SUMF1: variants seen among roughly 807,000 people sequenced by gnomAD.
SUMF1 encodes the protein sulfatase modifying factor 1, also known as formylglycine-generating enzyme.
A neutral mutation model predicts 47.6 loss-of-function variants in SUMF1; 48 were observed. The observed-to-expected ratio is 1.01, with a 90% CI of 0.80 to 1.28. The LOEUF (loss-of-function observed/expected upper bound fraction) is 1.28. SUMF1 is among the 50% of genes most tolerant of loss of function. The pLI is 0.00. For synonymous variants in SUMF1, 230 were observed against 192.1 expected (o/e 1.20, Z -1.63); for missense variants, 571 against 485.4 (o/e 1.18, Z -1.66).
intron 8 of SUMF1, chr3:4,304,033 G>C: frequency 4.1e-6 from 1 of 242,830 alleles, no homozygotes; most frequent in Non-Finnish European, 8.2e-6. Flanking sequence ...CAGTGGAACA[G>C]TACCTCTCTT....
intron 8 of SUMF1, among the ~76,000 whole-genome samples, chr3:4,343,523 A>G (rs1699314199): frequency 6.6e-6 from 1 of 152,238 alleles, no homozygotes; most frequent in Non-Finnish European, 1.5e-5. Flanking sequence ...AGCCACAGAA[A>G]GCAGAGAATG....
At chr3:4,396,991 T>G (rs1446575244) in intron 7 of SUMF1, among the ~76,000 whole-genome samples, 1 of 152,214 alleles carries the variant, frequency 6.6e-6, no homozygotes, top group Non-Finnish European at 1.5e-5. Flanking sequence ...ATTAGATTTC[T>G]GCAACAAAGA....
intron 6 of SUMF1, among the ~76,000 whole-genome samples, chr3:4,414,254 C>T (rs1374983216): frequency 6.6e-6 from 1 of 152,134 alleles, no homozygotes; most frequent in Non-Finnish European, 1.5e-5. Flanking sequence ...TCACTTGAGC[C>T]CAGGAGGCTG....
intron 4 of SUMF1, among the ~76,000 whole-genome samples, chr3:4,419,255 C>A (rs995976834): frequency 6.6e-6 from 1 of 152,194 alleles, no homozygotes; most frequent in African/African-American, 2.4e-5. Flanking sequence ...CACCTCGAAG[C>A]CTAATTGCAG....
At chr3:4,057,605 G>A (rs1695214532) in intron 9 of SUMF1, among the ~76,000 whole-genome samples, 1 of 152,064 alleles carries the variant, frequency 6.6e-6, no homozygotes, top group Non-Finnish European at 1.5e-5. Flanking sequence ...GGAGAATAAT[G>A]CCCTGTGCCT....
intron 2 of SUMF1, among the ~76,000 whole-genome samples, chr3:4,452,279 A>C (rs1215242314): frequency 1.3e-5 from 2 of 152,212 alleles, no homozygotes; most frequent in Non-Finnish European, 2.9e-5. Context: ...TCCTATTCCC[A>C]TTTAGGAAAG....
At chr3:4,071,837 C>A (rs1037929240) in intron 8 of SUMF1, among the ~76,000 whole-genome samples, 8 of 152,188 alleles carry the variant, frequency 5.3e-5, no homozygotes, top group African/African-American at 1.9e-4. Flanking sequence ...TGGGACAGAG[C>A]ACCTGAGGGA....
At chr3:4,367,257 G>A (rs1384186991) in intron 8 of SUMF1, among the ~76,000 whole-genome samples, 2 of 152,166 alleles carry the variant, frequency 1.3e-5, no homozygotes, top group African/African-American at 2.4e-5. Flanking sequence ...AAAGCTGTCA[G>A]ACAGGGACAT....
intron 8 of SUMF1, among the ~76,000 whole-genome samples, chr3:4,073,909 T>C (rs2125039082): frequency 1.3e-5 from 2 of 152,274 alleles, no homozygotes; most frequent in South Asian, 4.2e-4. Flanking sequence ...AACAATCCAC[T>C]GTCAATATTA....
At chr3:4,416,628 T>C (rs1701721647) in intron 6 of SUMF1, among the ~76,000 whole-genome samples, 1 of 152,242 alleles carries the variant, frequency 6.6e-6, no homozygotes, top group South Asian at 2.1e-4. Flanking sequence ...TTGAGCAAGT[T>C]AGTTAACCTC....
At chr3:4,339,117 G>A (rs1027913128) in intron 8 of SUMF1, among the ~76,000 whole-genome samples, 16 of 152,180 alleles carry the variant, frequency 1.1e-4, no homozygotes, top group South Asian at 2.1e-4. Context: ...ATTCTGTGAC[G>A]TAGCCCATTT....
At chr3:4,210,516 G>T (rs1695756398) in intron 8 of SUMF1, among the ~76,000 whole-genome samples, 1 of 152,136 alleles carries the variant, frequency 6.6e-6, no homozygotes, top group South Asian at 2.1e-4. Context: ...AAAGGGGAAA[G>T]AACGACCCTT....
intron 8 of SUMF1, among the ~76,000 whole-genome samples, chr3:4,341,604 A>G (rs920972486): frequency 6.6e-6 from 1 of 152,148 alleles, no homozygotes; most frequent in Non-Finnish European, 1.5e-5. Context: ...TGCAAGAGAG[A>G]TTTTTTGACA....
In SUMF1 at chr3:4,420,747, A is replaced by C. The variant is rs535331895; in HGVS notation, c.520-601T>G. Among the ~76,000 whole-genome samples, 4 of 152,066 alleles carry C rather than the reference A, an allele frequency of 2.6e-5. No homozygotes were observed. In the South Asian group the frequency reaches 8.3e-4, roughly 32 times the overall value. ...GGCTAGCCAATCCTCTATAATCTCT[A>C]ACAAGTGAGACAGGTAGTGCTGCTC... On this transcript the variant is annotated intron_variant, in intron 3 of 8. Transcript: ENST00000272902.
At chr3:4,151,460 T>C (rs1171106639) in intron 8 of SUMF1, among the ~76,000 whole-genome samples, 1 of 143,328 alleles carries the variant, frequency 7.0e-6, no homozygotes, top group Non-Finnish European at 1.5e-5. Flanking sequence ...TATACATGTG[T>C]ATATATGTAT....
Position 4,376,310 on chromosome 3 carries a change from A to T in SUMF1, c.1014+20T>A, listed in dbSNP as rs2124844766. 1 of 1,614,074 alleles carries T rather than the reference A, an allele frequency of 6.2e-7. No individual in the cohort carries two copies. The highest frequency in any genetic ancestry group is 8.5e-7 in the Non-Finnish European group (1 of 1,179,904). On this transcript the variant is annotated intron_variant, in intron 8 of 8. Coordinates refer to ENST00000272902, the MANE Select transcript of SUMF1 (RefSeq NM_182760.4). ...GCTATCAGAACAAGAACGGCAAAACAGTTTAGTGACATGACTTACCCTATG... is the reference window on the plus strand; with the variant it reads ...GCTATCAGAACAAGAACGGCAAAACTGTTTAGTGACATGACTTACCCTATG...
intron 7 of SUMF1, among the ~76,000 whole-genome samples, chr3:4,404,338 T>A (rs1471973324): frequency 6.6e-6 from 1 of 152,254 alleles, no homozygotes; most frequent in African/African-American, 2.4e-5. Flanking sequence ...CTGTATAACT[T>A]GTAGCTGTAT....
chr3:4,141,918 C>T (rs770128874), intron 8 of SUMF1, among the ~76,000 whole-genome samples: 2 of 152,038 alleles, frequency 1.3e-5, no homozygotes, highest in Non-Finnish European at 2.9e-5. Context: ...CCCTAGGAAC[C>T]CACATGTTTT....
At chr3:4,041,107 CT>C (rs1279976417) in intron 9 of SUMF1, among the ~76,000 whole-genome samples, 1 of 152,188 alleles carries the variant, frequency 6.6e-6, no homozygotes, top group Non-Finnish European at 1.5e-5. Context: ...GAATCTCACT[CT>C]GTAGCCCAGG....
Sources: allele counts gnomAD v4.1 joint callset (sites outside exome capture counted in the v4.1 genomes callset), GRCh38; gene constraint gnomAD v4.1.1; transcripts MANE v1.5; gene names NCBI Gene and HGNC (gene_info 2026-07-23, HGNC 2026-07-21).